MICAL1: variants seen among roughly 807,000 people sequenced by gnomAD.
MICAL1 encodes [F-actin]-monooxygenase MICAL1.
Under a neutral mutation model 131.8 loss-of-function variants are expected in MICAL1, and 95 were observed. That is an observed-to-expected ratio of 0.72 (90% CI 0.61 to 0.86). The LOEUF is 0.86. MICAL1 is among the 40% of genes least tolerant of loss of function. The probability of loss-of-function intolerance (pLI) is 0.00; values close to 1 mark genes in which losing one functional copy is unlikely to be tolerated. For missense variants in MICAL1, 1,292 were observed against 1,380.6 expected, an observed-to-expected ratio of 0.94 and a Z score of 1.02; for synonymous variants, 546 against 554.2, an observed-to-expected ratio of 0.99 and a Z score of 0.21.
At chr6:109,450,626 T>C in intron 7 of MICAL1, 69 bp from the exon 8 acceptor site, 1 of 1,508,310 alleles carries the variant, frequency 6.6e-7, no homozygotes, top group Non-Finnish European at 8.9e-7. Context: ...TGCCACCCCC[T>C]TGGGCGCAGA....
chr6:109,456,190 G>T (rs571637321), upstream of MICAL1, among the ~76,000 whole-genome samples: 2 of 152,294 alleles, frequency 1.3e-5, no homozygotes, highest in African/African-American at 4.8e-5. Flanking sequence ...GCCGCAAGGC[G>T]AGGACCACCC....
At chr6:109,452,656 G>GTC in intron 4 of MICAL1, 41 bp from the exon 5 acceptor site, 1 of 1,500,938 alleles carries the variant, frequency 6.7e-7, no homozygotes, top group Non-Finnish European at 9.2e-7. Flanking sequence ...TGTAGAAGTC[G>GTC]TAAGAGCCCC....
chr6:109,445,774 T>G lies in MICAL1; in HGVS notation c.2670A>C (p.Glu890Asp), dbSNP rs773451215. Reference protein sequence around the residue: ...EEDVPLDSDVEQALQTFAKTS... With the variant: ...EEDVPLDSDVDQALQTFAKTS... ...GGCTGCACGCTGGCCCACTCACCTG[T>G]TCCACATCTGAGTCCAAAGGCACAT... The change falls in exon 20 of 25, where the codon GAA (glutamate) becomes GAC (aspartate). Residue 890 changes from glutamate to aspartate, a missense_variant. By Grantham distance (45) the Glu-to-Asp change is conservative. Transcript: ENST00000358807. 4.3e-6 allele frequency: 7 copies of G among 1,610,612 alleles called. No individual in the cohort carries two copies. The highest frequency in any genetic ancestry group is 4.2e-6 in the Non-Finnish European group (5 of 1,178,686).
chr6:109,448,000 G>C (rs765892982), intron 13 of MICAL1, 37 bp from the exon 14 acceptor site: 2 of 1,560,974 alleles, frequency 1.3e-6, no homozygotes, highest in South Asian at 1.2e-5. Flanking sequence ...TGGATGGGGG[G>C]TGCCAATACT....
intron 24 of MICAL1, 141 bp from the exon 25 acceptor site, chr6:109,444,480 G>A (rs1483911298): frequency 4.7e-6 from 6 of 1,279,810 alleles, no homozygotes; most frequent in African/African-American, 1.5e-5. Context: ...GCCAACACCA[G>A]TGGTTTTCTA....
At position 109,446,428 on chromosome 6, in the gene MICAL1, T is replaced by TGTGGTCTGGTCAGTGACCTGCCCAGG. The variant is rs6149743; in HGVS notation, c.2305-17_2305-16insCCTGGGCAGGTCACTGACCAGACCAC. 754,870 of 1,611,182 alleles carry TGTGGTCTGGTCAGTGACCTGCCCAGG rather than the reference T, an allele frequency of 0.47. 180,988 individuals are homozygous for TGTGGTCTGGTCAGTGACCTGCCCAGG. The highest frequency in any genetic ancestry group is 0.72 in the African/African-American group (53,542 of 74,768). On this transcript the variant is annotated splice_polypyrimidine_tract_variant and intron_variant, in intron 18 of 24. Transcript: ENST00000358807. ...TGGGGAGCTCCTGGAAAAGCCACCA[T>TGTGGTCTGGTCAGTGACCTGCCCAGG]GTGGAGTGAGGTCGGGGGGTGAGGC...
At chr6:109,453,420 C>T (rs2115338662) in intron 3 of MICAL1, 53 bp from the exon 4 acceptor site, 1 of 1,581,628 alleles carries the variant, frequency 6.3e-7, no homozygotes, top group South Asian at 1.1e-5. Flanking sequence ...ACAAGCTCCC[C>T]ATGTACCAGT....
chr6:109,451,823 C>T lies in MICAL1; in HGVS notation c.833-123G>A, dbSNP rs778533589. 14 of 1,482,010 alleles carry T rather than the reference C, an allele frequency of 9.4e-6. No homozygotes were observed. The South Asian group carries it at 1.3e-4, about 14-fold the overall frequency. 91.8% of individuals were successfully genotyped at this position (1,482,010 alleles called of 1,614,324 possible). On this transcript the variant is annotated intron_variant, in intron 6 of 24. Coordinates refer to ENST00000358807, the MANE Select transcript of MICAL1 (RefSeq NM_022765.4). ...AGCTTAGGCTGCGGTGAGTGCTCCA[C>T]GCATAGAACCCCACGAGTCCTGATG...
chr6:109,449,806 CA>C (rs753024754), intron 9 of MICAL1, 23 bp from the exon 10 acceptor site: 8 of 1,599,148 alleles, frequency 5.0e-6, no homozygotes, highest in Non-Finnish European at 4.3e-6. Flanking sequence ...GGGTAAGGGG[CA>C]GGGGCATGAA....
chr6:109,453,587 G>A, intron 3 of MICAL1, 51 bp downstream of exon 3: 1 of 1,542,968 alleles, frequency 6.5e-7, no homozygotes, highest in Non-Finnish European at 8.8e-7. Flanking sequence ...CCACTGGCCT[G>A]CCTCTAGGCC....
At chr6:109,459,599 A>G (rs997781060), upstream of MICAL1, among the ~76,000 whole-genome samples, 2 of 152,010 alleles carry the variant, frequency 1.3e-5, no homozygotes, top group African/African-American at 4.8e-5. Context: ...GCTGCTTTTT[A>G]CTCAATACCT....
Position 109,453,806 on chromosome 6 carries a change from C to A in MICAL1, c.298G>T (p.Ala100Ser), listed in dbSNP as rs766624792. The A allele has an allele frequency of 1.1e-5, 17 of 1,613,614 alleles. No homozygotes were observed. The South Asian group carries it at 1.8e-4, about 17-fold the overall frequency. Residue 100 changes from alanine (A) to serine (S), a missense_variant, in exon 3 of 25, where the codon GCT (alanine) becomes TCT (serine). Ala to Ser is a moderately conservative substitution (Grantham distance 99, BLOSUM62 1). Coordinates refer to ENST00000358807, the MANE Select transcript of MICAL1 (RefSeq NM_022765.4). Reference protein sequence around the residue: ...VGAGPCGLRVAVELALLGARV... With the variant: ...VGAGPCGLRVSVELALLGARV... ...GCCCCCAGCAGCGCCAGCTCCACAG[C>A]GACCCGCAGCCCGCAAGGTCCAGCA...
At chr6:109,453,900 C>T (rs768868611) in intron 2 of MICAL1, 39 bp downstream of exon 2, 64 of 1,610,208 alleles carry the variant, frequency 4.0e-5, no homozygotes, top group Middle Eastern at 1.6e-4. Context: ...TCTGACTCCC[C>T]GCATGCTCCA....
At chr6:109,450,124 T>A (rs1401176021) in intron 8 of MICAL1, 39 bp from the exon 9 acceptor site, 1 of 1,599,190 alleles carries the variant, frequency 6.3e-7, no homozygotes, top group Admixed American at 1.7e-5. Context: ...TCAGGGAGAA[T>A]CCAACAGGTG....
At chr6:109,451,505 G>A (rs1020108093) in intron 7 of MICAL1, 95 bp downstream of exon 7, 14 of 1,466,608 alleles carry the variant, frequency 9.5e-6, no homozygotes, top group South Asian at 2.5e-5. Flanking sequence ...AGGAGAGGAC[G>A]GGGTCCCCAC....
In MICAL1 at chr6:109,454,246, A is replaced by C. The variant is rs1189676014; in HGVS notation, c.-43-7T>G. ...GCTGGGCAGAGATGAGTGGCTGGAG[A>C]GGTGGAAAAAGAAGGGGAAGAGGCT... On this transcript the variant is annotated splice_region_variant and splice_polypyrimidine_tract_variant and intron_variant, in intron 1 of 24. Coordinates refer to ENST00000358807, the MANE Select transcript of MICAL1 (RefSeq NM_022765.4). 6.5e-7 allele frequency: 1 copy of C among 1,546,378 alleles called. No homozygotes were observed. The highest frequency in any genetic ancestry group is 2.0e-5 in the Admixed American group (1 of 50,864).
chr6:109,462,897 G>C (rs1420818337), intron 1 of MICAL1: 1 of 152,212 alleles, frequency 6.6e-6, no homozygotes, highest in African/African-American at 2.4e-5. Flanking sequence ...AGTAGAAAAT[G>C]AATTGTGAAA....
chr6:109,457,177 A>T (rs765050733), upstream of MICAL1, among the ~76,000 whole-genome samples: 29 of 152,186 alleles, frequency 1.9e-4, no homozygotes, highest in Non-Finnish European at 4.3e-4. Flanking sequence ...GGACGAAAGC[A>T]AGGGGAAATG....
chr6:109,444,558 T>G (rs191414627), intron 24 of MICAL1, among the ~76,000 whole-genome samples, 167 bp downstream of exon 24: 3 of 152,328 alleles, frequency 2.0e-5, no homozygotes, highest in African/African-American at 7.2e-5. Flanking sequence ...CAGCTCTGAT[T>G]GAACTGAAGT....
Sources: gnomAD v4.1 joint callset for allele counts (sites outside exome capture counted in the v4.1 genomes callset) on GRCh38, gnomAD v4.1.1 for gene constraint, MANE v1.5 for transcripts, NCBI Gene and HGNC (gene_info 2026-07-23, HGNC 2026-07-21) for gene names.